The following AGTPBP1 variants were observed in gnomAD, a reference collection of about 807,000 sequenced individuals.
AGTPBP1 encodes the protein cytosolic carboxypeptidase 1.
In AGTPBP1, 70 loss-of-function variants were observed where a neutral mutation model predicts 143.9. The observed-to-expected ratio is 0.49, with a 90% CI of 0.40 to 0.59. The LOEUF (loss-of-function observed/expected upper bound fraction) is 0.59. AGTPBP1 is among the 20% of genes least tolerant of loss of function. The pLI, the probability that AGTPBP1 is intolerant of heterozygous loss-of-function variation, is 0.00. For missense variants in AGTPBP1, 1,229 were observed against 1,464.5 expected, an observed-to-expected ratio of 0.84 and a Z score of 2.62; for synonymous variants, 463 against 500.2, an observed-to-expected ratio of 0.93 and a Z score of 0.99.
chr9:85,702,659 C>T (rs1328920192), intron 2 of AGTPBP1, among the ~76,000 whole-genome samples: 6 of 143,402 alleles, frequency 4.2e-5, no homozygotes, highest in Non-Finnish European at 4.6e-5. Context: ...GTCTCTCTCT[C>T]TTTTTTTTTT....
Position 85,655,349 on chromosome 9 carries a change from G to T in AGTPBP1, c.910-29C>A, listed in dbSNP as rs1349382125. On this transcript the variant is annotated intron_variant, in intron 10 of 25. Coordinates refer to ENST00000357081, the MANE Select transcript of AGTPBP1 (RefSeq NM_001330701.2). Reference sequence around the variant, plus strand: ...TTTTTTAAAAAAAGAAAAAGAAAAAGAATGTTTTTGATGAATAACTGAACC... The same window carrying T: ...TTTTTTAAAAAAAGAAAAAGAAAAATAATGTTTTTGATGAATAACTGAACC... 3 of 1,464,862 alleles carry T rather than the reference G, an allele frequency of 2.0e-6. No individual in the cohort carries two copies. In the African/African-American group the frequency reaches 4.3e-5, roughly 21 times the overall value. 90.7% of individuals were successfully genotyped at this position (1,464,862 alleles called of 1,614,324 possible).
chr9:85,596,436 G>A lies in AGTPBP1; in HGVS notation c.2349C>T (p.Leu783=). The A allele has an allele frequency of 6.2e-7, 1 of 1,604,236 alleles. No homozygotes were observed. Among genetic ancestry groups the A allele is most frequent in the Non-Finnish European group, 8.5e-7 (1 of 1,175,296 alleles). The change falls in exon 18 of 26, where the codon CTC becomes CTT. Residue 783 remains leucine, a synonymous_variant. Coordinates refer to ENST00000357081, the MANE Select transcript of AGTPBP1 (RefSeq NM_001330701.2). ...TTAATGCTTCCTGAACCGAATACATGAGTGGTTGCATACCTTTGAAAGAGA... is the reference window on the plus strand; with the variant it reads ...TTAATGCTTCCTGAACCGAATACATAAGTGGTTGCATACCTTTGAAAGAGA... ...NSQFNYGMQP[L]MYSVQEALNA... is the part of the protein sequence containing the mutation.
At chr9:85,711,100 T>C (rs1370379099) in intron 2 of AGTPBP1, among the ~76,000 whole-genome samples, 2 of 152,218 alleles carry the variant, frequency 1.3e-5, no homozygotes, top group East Asian at 3.8e-4. Flanking sequence ...TAAAGTTATA[T>C]ACACGTAAAC....
chr9:85,588,583 T>C, intron 20 of AGTPBP1, 105 bp from the exon 21 acceptor site: 2 of 1,158,708 alleles, frequency 1.7e-6, no homozygotes, highest in Non-Finnish European at 2.4e-6. Flanking sequence ...TGAATTCTAA[T>C]ATAAATTAAT....
At chr9:85,724,543 C>G (rs1013991545) in intron 1 of AGTPBP1, among the ~76,000 whole-genome samples, 3 of 152,150 alleles carry the variant, frequency 2.0e-5, no homozygotes, top group African/African-American at 7.2e-5. Context: ...TTATCCTAGA[C>G]CCTTAGCCAT....
the AGTPBP1 span, among the ~76,000 whole-genome samples, chr9:85,782,211 A>G: frequency 6.6e-6 from 1 of 152,200 alleles, no homozygotes; most frequent in Non-Finnish European, 1.5e-5. Flanking sequence ...ATATATGCTG[A>G]AAATGTAATA....
intron 1 of AGTPBP1, among the ~76,000 whole-genome samples, chr9:85,737,031 AGTAAGCGGAGCTT>A: frequency 6.6e-6 from 1 of 152,346 alleles, no homozygotes; most frequent in East Asian, 1.9e-4. Context: ...GCGTTAAGCC[AGTAAGCGGAGCTT>A]GCAGTGAGCA....
intron 23 of AGTPBP1, among the ~76,000 whole-genome samples, chr9:85,584,078 A>G (rs1828453934): frequency 6.6e-6 from 1 of 152,018 alleles, no homozygotes; most frequent in African/African-American, 2.4e-5. Flanking sequence ...GGCTCTGTGC[A>G]TATGCTCTTC....
the AGTPBP1 span, among the ~76,000 whole-genome samples, chr9:85,760,455 C>T: frequency 6.6e-6 from 1 of 152,192 alleles, no homozygotes; most frequent in Admixed American, 6.5e-5. Flanking sequence ...GGATGCAAGG[C>T]TGGTTCAACA....
At chr9:85,710,636 T>C (rs758554277) in intron 2 of AGTPBP1, among the ~76,000 whole-genome samples, 2 of 152,068 alleles carry the variant, frequency 1.3e-5, no homozygotes, top group Non-Finnish European at 2.9e-5. Flanking sequence ...TAATTTCCTT[T>C]AGACGAAGAC....
At chr9:85,603,146 G>A (rs766259021) in intron 17 of AGTPBP1, among the ~76,000 whole-genome samples, 12 of 152,184 alleles carry the variant, frequency 7.9e-5, no homozygotes, top group Non-Finnish European at 1.8e-4. Flanking sequence ...CAGTGAATGT[G>A]GGGTGCATGT....
At chr9:85,612,969 A>G (rs1365841783) in intron 17 of AGTPBP1, among the ~76,000 whole-genome samples, 1 of 152,148 alleles carries the variant, frequency 6.6e-6, no homozygotes, top group Non-Finnish European at 1.5e-5. Context: ...GCCCATGAGC[A>G]CAAAACTGAC....
chr9:85,593,143 T>C (rs1408931690), intron 18 of AGTPBP1, among the ~76,000 whole-genome samples: 1 of 152,144 alleles, frequency 6.6e-6, no homozygotes, highest in East Asian at 1.9e-4. Flanking sequence ...TGATGTTGTT[T>C]CCTGATGTGA....
chr9:85,674,122 T>TAA (rs35435972), intron 6 of AGTPBP1, among the ~76,000 whole-genome samples: 258 of 117,488 alleles, frequency 2.2e-3, no homozygotes, highest in African/African-American at 5.5e-3. Flanking sequence ...GACTCCATCT[T>TAA]AAAAAAAAAA....
At chr9:85,557,534 T>G (rs1002181231) in intron 25 of AGTPBP1, among the ~76,000 whole-genome samples, 2 of 152,232 alleles carry the variant, frequency 1.3e-5, no homozygotes, top group Non-Finnish European at 2.9e-5. Flanking sequence ...TAGCAATAAA[T>G]GATTCCCAGA....
intron 2 of AGTPBP1, among the ~76,000 whole-genome samples, chr9:85,711,434 T>C (rs1464892743): frequency 6.6e-6 from 1 of 151,574 alleles, no homozygotes; most frequent in African/African-American, 2.4e-5. Context: ...CTTTATCTTT[T>C]TTCTTTCTTT....
chr9:85,735,512 A>C (rs1034307632), intron 1 of AGTPBP1, among the ~76,000 whole-genome samples: 1 of 152,246 alleles, frequency 6.6e-6, no homozygotes, highest in Non-Finnish European at 1.5e-5. Flanking sequence ...CTACACACTT[A>C]AAAGTGATTT....
At chr9:85,726,479 T>A (rs1338377396) in intron 1 of AGTPBP1, among the ~76,000 whole-genome samples, 1 of 152,206 alleles carries the variant, frequency 6.6e-6, no homozygotes, top group African/African-American at 2.4e-5. Context: ...GAGGATGAAG[T>A]GTGAGAATAG....
chr9:85,582,947 A>T (rs1409239430), intron 23 of AGTPBP1, among the ~76,000 whole-genome samples: 1 of 152,142 alleles, frequency 6.6e-6, no homozygotes, highest in African/African-American at 2.4e-5. Context: ...GTCAATTAAG[A>T]ATCTGAGATA....
Sources: allele counts gnomAD v4.1 joint callset (sites outside exome capture counted in the v4.1 genomes callset), GRCh38; gene constraint gnomAD v4.1.1; transcripts MANE v1.5; gene names NCBI Gene and HGNC (gene_info 2026-07-23, HGNC 2026-07-21).